The following ATP7B variants were observed in gnomAD, a reference collection of about 807,000 sequenced individuals.
The protein encoded by ATP7B is copper-transporting ATPase 2.
ATP7B carries 113 observed loss-of-function variants against 118.9 expected under a neutral mutation model. That is an observed-to-expected ratio of 0.95 (90% CI 0.82 to 1.11). ATP7B has a LOEUF of 1.11. ATP7B is among the 50% of genes most tolerant of loss of function. ATP7B has a pLI of 0.00. For synonymous variants in ATP7B, 777 were observed against 727.4 expected, an observed-to-expected ratio of 1.07 and a Z score of -1.10; for missense variants, 1,867 against 1,871.4, an observed-to-expected ratio of 1.00 and a Z score of 0.04.
At chr13:51,980,423 T>C (rs1432350768) in intron 1 of ATP7B, among the ~76,000 whole-genome samples, 1 of 152,238 alleles carries the variant, frequency 6.6e-6, no homozygotes, top group Non-Finnish European at 1.5e-5. Flanking sequence ...AATTCTCTGC[T>C]ACCTCTCTAG....
chr13:51,956,492 C>T (rs1247861372), intron 9 of ATP7B, among the ~76,000 whole-genome samples: 1 of 152,224 alleles, frequency 6.6e-6, no homozygotes, highest in East Asian at 1.9e-4. Context: ...CCAAAAACCA[C>T]TGAGAAAACC....
chr13:51,958,220 T>C, intron 8 of ATP7B, 91 bp downstream of exon 8: 1 of 1,401,622 alleles, frequency 7.1e-7, no homozygotes, highest in South Asian at 1.2e-5. Context: ...CTATGCTGTG[T>C]ATAATTAGTA....
chr13:52,004,097 A>G (rs1442477048), intron 1 of ATP7B, among the ~76,000 whole-genome samples: 5 of 152,076 alleles, frequency 3.3e-5, no homozygotes, highest in African/African-American at 1.2e-4. Context: ...GTCTCTACTA[A>G]AAAAAATTAC....
intron 1 of ATP7B, among the ~76,000 whole-genome samples, chr13:52,002,796 T>C (rs1953573487): frequency 6.6e-6 from 1 of 152,188 alleles, no homozygotes; most frequent in Non-Finnish European, 1.5e-5. Context: ...TCCTTGTGCA[T>C]ATAAAAGTTA....
At chr13:51,941,018 G>C in intron 16 of ATP7B, 63 bp downstream of exon 16, 2 of 1,605,984 alleles carry the variant, frequency 1.2e-6, no homozygotes, top group East Asian at 2.2e-5. Flanking sequence ...GGACTCTTTT[G>C]CCTGATATCT....
At chr13:51,975,201 T>A in intron 1 of ATP7B, 33 bp from the exon 2 acceptor site, 1 of 1,609,080 alleles carries the variant, frequency 6.2e-7, no homozygotes, top group Non-Finnish European at 8.5e-7. Context: ...TTTTTAACCT[T>A]GAAACCAAAT....
rs569947306 is a variant in ATP7B at position 51,939,760 on chromosome 13, T to A, written c.3557-567A>T. 1.3e-3 allele frequency among the ~76,000 whole-genome samples: 205 copies of A among 152,220 alleles called. 2 individuals carry two copies. Among genetic ancestry groups the A allele is most frequent in the Non-Finnish European group, 1.6e-3 (108 of 68,016 alleles). Reference sequence around the variant, plus strand: ...GCACGACTCCTTTAGTTGTGCCAATTCTGGTTTGATAGCCGAGGGGCGGGT... The same window carrying A: ...GCACGACTCCTTTAGTTGTGCCAATACTGGTTTGATAGCCGAGGGGCGGGT... On this transcript the variant is annotated intron_variant, in intron 16 of 20. Coordinates refer to ENST00000242839, the MANE Select transcript of ATP7B (RefSeq NM_000053.4).
In ATP7B at chr13:51,957,815, A is replaced by G. The variant is rs184534504; in HGVS notation, c.2356-208T>C. Reference sequence around the variant, plus strand: ...CACAGTGATGCACAGTGCCTGTGCCACTAAAGTCCGGGAATTACATTTCAG... The same window carrying G: ...CACAGTGATGCACAGTGCCTGTGCCGCTAAAGTCCGGGAATTACATTTCAG... On this transcript the variant is annotated intron_variant, in intron 8 of 20. Transcript: ENST00000242839. 1.9e-5 allele frequency: 11 copies of G among 592,280 alleles called. No homozygotes were observed. In the Admixed American group the frequency reaches 3.1e-4, roughly 17 times the overall value. The allele number at this position is 592,280 out of a possible 1,614,324, so 36.7% of individuals were successfully genotyped here. A position where few individuals can be genotyped will look rare whatever the true frequency, so the allele number is the denominator to read the frequency against.
intron 7 of ATP7B, 46 bp from the exon 8 acceptor site, chr13:51,958,590 G>A (rs1958514319): frequency 5.1e-6 from 8 of 1,562,994 alleles, no homozygotes; most frequent in Non-Finnish European, 7.1e-6. Flanking sequence ...AGGGAGGAGA[G>A]TTCAATGAGC....
intron 1 of ATP7B, among the ~76,000 whole-genome samples, chr13:52,009,745 T>C (rs546880441): frequency 6.6e-6 from 1 of 152,212 alleles, no homozygotes; most frequent in Admixed American, 6.5e-5. Flanking sequence ...CCAACTAGGA[T>C]GTAAATTCAT....
At chr13:51,940,048 T>A (rs77730679) in intron 16 of ATP7B, among the ~76,000 whole-genome samples, 2 of 137,976 alleles carry the variant, frequency 1.4e-5, no homozygotes, top group Non-Finnish European at 3.1e-5. Flanking sequence ...GTTACGCTCT[T>A]GTTGCCCAGG....
chr13:51,968,347 G>C, intron 4 of ATP7B, 97 bp downstream of exon 4: 1 of 1,560,952 alleles, frequency 6.4e-7, no homozygotes. Flanking sequence ...AACCAGACAC[G>C]TCCAAGATGG....
chr13:51,943,940 G>A (rs1402084190), intron 14 of ATP7B, among the ~76,000 whole-genome samples, 169 bp downstream of exon 14: 24 of 149,240 alleles, frequency 1.6e-4, no homozygotes, highest in Non-Finnish European at 2.9e-5. Flanking sequence ...TGGAACTGTG[G>A]CAAGGGCTGA....
intron 1 of ATP7B, among the ~76,000 whole-genome samples, chr13:51,983,224 T>C (rs4941720): frequency 0.59 from 89,690 of 151,988 alleles, 28,331 homozygotes; most frequent in Non-Finnish European, 0.71. Context: ...TCAAGCTTGG[T>C]CGGGGGAGGG....
rs2139048200 is a variant in ATP7B, at chr13:51,946,303, G to A, written c.3041C>T (p.Pro1014Leu). ...QNGILIKGGK[P>L]LEMAHKIKTV... Reference sequence around the variant, plus strand: ...GCTGACCTTGTGCGCCATCTCCAGGGGCTTGCCTCCCTTGATGAGGATGCC... The same window carrying A: ...GCTGACCTTGTGCGCCATCTCCAGGAGCTTGCCTCCCTTGATGAGGATGCC... Residue 1014 changes from proline (P) to leucine (L), a missense_variant, in exon 13 of 21, where the codon CCC becomes CTC. Pro to Leu is a moderately conservative substitution (Grantham distance 98). Coordinates refer to ENST00000242839, the MANE Select transcript of ATP7B (RefSeq NM_000053.4). 6.3e-7 allele frequency: 1 copy of A among 1,595,404 alleles called. No homozygotes were observed. Among genetic ancestry groups the A allele is most frequent in the East Asian group, 2.3e-5 (1 of 44,178 alleles).
intron 1 of ATP7B, among the ~76,000 whole-genome samples, chr13:51,996,452 A>G (rs934078854): frequency 2.0e-5 from 3 of 152,274 alleles, no homozygotes; most frequent in African/African-American, 7.2e-5. Flanking sequence ...GAACAGCTCC[A>G]CCACAGCCAC....
Position 51,973,957 on chromosome 13 carries a change from T to A in ATP7B, c.1263A>T (p.Gly421=). The A allele has an allele frequency of 6.2e-7, 1 of 1,614,194 alleles. No homozygotes were observed. The highest frequency in any genetic ancestry group is 1.3e-5 in the African/African-American group (1 of 75,028). The change falls in exon 2 of 21, where the codon GGA becomes GGT. Residue 421 remains glycine (G), a synonymous_variant. Transcript: ENST00000242839. The part of the protein sequence containing the change: ...EELRAAIEDM[G]FEASVVSESC... ...TACCAGAAACGACTGAAGCCTCAAA[T>A]CCCATGTCTTCTATAGCAGCTCTGA...
At chr13:51,989,356 G>A (rs960214542) in intron 1 of ATP7B, among the ~76,000 whole-genome samples, 2 of 152,150 alleles carry the variant, frequency 1.3e-5, no homozygotes, top group Admixed American at 6.5e-5. Flanking sequence ...GGCCTACTAT[G>A]TGCCAGGGCT....
chr13:51,997,109 T>C (rs1166492240), intron 1 of ATP7B, among the ~76,000 whole-genome samples: 2 of 152,212 alleles, frequency 1.3e-5, no homozygotes, highest in Non-Finnish European at 2.9e-5. Flanking sequence ...ATTCTTCAGG[T>C]CTTGCTTATC....
Sources: gnomAD v4.1 joint callset for allele counts (sites outside exome capture counted in the v4.1 genomes callset) on GRCh38, gnomAD v4.1.1 for gene constraint, MANE v1.5 for transcripts, NCBI Gene and HGNC (gene_info 2026-07-23, HGNC 2026-07-21) for gene names.